GPAT4: variants seen among roughly 807,000 people sequenced by gnomAD.
GPAT4 encodes the protein 1-AGP acyltransferase 6.
A neutral mutation model predicts 58.0 loss-of-function variants in GPAT4; 17 were observed. The observed-to-expected ratio is 0.29, with a 90% confidence interval of 0.20 to 0.44. The LOEUF is 0.44. Ranked by LOEUF, GPAT4 falls within the 20% of genes least tolerant of loss-of-function variation. The probability of loss-of-function intolerance (pLI) is 1.00; values close to 1 mark genes in which losing one functional copy is unlikely to be tolerated. For missense variants in GPAT4, 377 were observed against 574.5 expected (o/e 0.66, Z 3.51); for synonymous variants, 204 against 210.1 (o/e 0.97, Z 0.25).
At chr8:41,616,822 T>A (rs1287694820) in intron 10 of GPAT4, among the ~76,000 whole-genome samples, 1 of 152,222 alleles carries the variant, frequency 6.6e-6, no homozygotes, top group Non-Finnish European at 1.5e-5. Flanking sequence ...GTCTACAGAT[T>A]ACTGGTTTTT....
At position 41,621,307 on chromosome 8, in the gene GPAT4, G is replaced by A. The variant is rs140864982; in HGVS notation, c.*306G>A. The A allele has an allele frequency of 6.3e-5, 22 of 350,710 alleles. No homozygotes were observed. The highest frequency in any genetic ancestry group is 2.5e-4 in the African/African-American group (12 of 48,264). 21.7% of individuals were successfully genotyped at this position (350,710 alleles called of 1,614,324 possible). A position where few individuals can be genotyped will look rare whatever the true frequency, so the allele number is the denominator to read the frequency against. On this transcript the variant is annotated 3_prime_UTR_variant, in exon 13 of 13. Coordinates refer to ENST00000396987, the MANE Select transcript of GPAT4 (RefSeq NM_178819.4). ...AACTCCCCACCTTTGCACGCTGTGC[G>A]GGCTGAGTGGTTGGGGAGATGTGGC... is the stretch of plus-strand genomic sequence containing the variant.
At chr8:41,592,435 G>T (rs530270597) in intron 1 of GPAT4, among the ~76,000 whole-genome samples, 1 of 152,316 alleles carries the variant, frequency 6.6e-6, no homozygotes, top group East Asian at 1.9e-4. Context: ...CAACTAAGTT[G>T]TCCTACGGGG....
Position 41,614,377 on chromosome 8 carries a change from C to A in GPAT4, c.912-9C>A, listed in dbSNP as rs1261031004. ...GTCTGACCCTTTATTTTATTTTCTT[C>A]TTTGAAAGACTGACTGAACATGTGC... On this transcript the variant is annotated splice_polypyrimidine_tract_variant and intron_variant, in intron 8 of 12. Transcript: ENST00000396987. The A allele has an allele frequency of 3.1e-6, 5 of 1,612,648 alleles. No homozygotes were observed. The highest frequency in any genetic ancestry group is 4.2e-6 in the Non-Finnish European group (5 of 1,179,374).
intron 2 of GPAT4, among the ~76,000 whole-genome samples, chr8:41,605,433 A>G (rs569676046): frequency 6.6e-6 from 1 of 152,372 alleles, no homozygotes; most frequent in Admixed American, 6.5e-5. Flanking sequence ...GTGAAAAGGT[A>G]ATATTGTTTA....
chr8:41,606,262 C>A (rs1477286209), intron 2 of GPAT4, among the ~76,000 whole-genome samples: 2 of 152,168 alleles, frequency 1.3e-5, no homozygotes, highest in African/African-American at 4.8e-5. Flanking sequence ...TAGGGGCAGT[C>A]ATGTGGGACT....
intron 2 of GPAT4, among the ~76,000 whole-genome samples, chr8:41,602,280 G>A (rs151326112): frequency 2.0e-5 from 3 of 152,226 alleles, no homozygotes; most frequent in East Asian, 1.9e-4. Flanking sequence ...ATTTAGAAGC[G>A]GTAATGGAAG....
intron 1 of GPAT4, among the ~76,000 whole-genome samples, chr8:41,585,105 C>A (rs1466564857): frequency 5.3e-5 from 8 of 152,188 alleles, no homozygotes; most frequent in Non-Finnish European, 1.5e-5. Flanking sequence ...GCTTCCTATT[C>A]AAGCAAATTT....
At chr8:41,582,694 T>TGTGTGG (rs892299561) in intron 1 of GPAT4, among the ~76,000 whole-genome samples, 1,728 of 145,058 alleles carry the variant, frequency 0.012, 36 homozygotes, top group African/African-American at 0.038. Flanking sequence ...TGTGTGTGTG[T>TGTGTGG]GGGTGTATCT....
At chr8:41,608,043 G>A (rs773495765) in intron 2 of GPAT4, among the ~76,000 whole-genome samples, 9 of 152,186 alleles carry the variant, frequency 5.9e-5, no homozygotes, top group African/African-American at 1.2e-4. Context: ...TTAAAGGAAA[G>A]CTCGTCTGTG....
At chr8:41,610,685 A>G in intron 4 of GPAT4, 51 bp from the exon 5 acceptor site, 5 of 1,596,008 alleles carry the variant, frequency 3.1e-6, no homozygotes, top group African/African-American at 1.3e-5. Flanking sequence ...TCAGTTCTGT[A>G]CTTGGTAGAA....
intron 2 of GPAT4, among the ~76,000 whole-genome samples, chr8:41,608,904 G>A (rs1018357109): frequency 6.6e-6 from 1 of 151,874 alleles, no homozygotes; most frequent in Non-Finnish European, 1.5e-5. Context: ...GTTAAGTTGT[G>A]GGATTCTCCC....
chr8:41,604,710 G>A (rs571506546), intron 2 of GPAT4, among the ~76,000 whole-genome samples: 1 of 152,356 alleles, frequency 6.6e-6, no homozygotes, highest in South Asian at 2.1e-4. Flanking sequence ...GATGTGATCT[G>A]TGTTAAACTC....
In GPAT4 at chr8:41,620,963, A is replaced by G; in HGVS notation, c.1333A>G (p.Met445Val). 1 of 1,551,598 alleles carries G rather than the reference A, an allele frequency of 6.4e-7. No homozygotes were observed. Among genetic ancestry groups the G allele is most frequent in the South Asian group, 1.2e-5 (1 of 84,044 alleles). ...KEEQQKLYSK[M>V]IVGNHKDRSR... Reference sequence around the variant, plus strand: ...GGAGCAGCAGAAGCTGTACAGCAAGATGATCGTGGGGAACCACAAGGACAG... The same window carrying G: ...GGAGCAGCAGAAGCTGTACAGCAAGGTGATCGTGGGGAACCACAAGGACAG... Residue 445 changes from methionine to valine, a missense_variant, in exon 13 of 13, where the codon ATG becomes GTG. Physicochemically the swap from Met to Val is conservative, Grantham distance 21 (BLOSUM62 1). Transcript: ENST00000396987.
chr8:41,610,357 C>T, intron 4 of GPAT4: 1 of 1,221,248 alleles, frequency 8.2e-7, no homozygotes, highest in Non-Finnish European at 1.0e-6. Flanking sequence ...GATGCTAATA[C>T]CTTCAAGCTC....
chr8:41,619,961 T>G (rs1318521026), intron 12 of GPAT4, among the ~76,000 whole-genome samples: 3 of 152,212 alleles, frequency 2.0e-5, no homozygotes, highest in Admixed American at 2.0e-4. Flanking sequence ...TGTTCCCATT[T>G]TGCAGATGAG....
chr8:41,612,403 T>TG, intron 7 of GPAT4, 130 bp downstream of exon 7: 1 of 869,580 alleles, frequency 1.1e-6, no homozygotes, highest in South Asian at 1.7e-5. Context: ...ACTGTCACTG[T>TG]GGGGGCTCTG....
At position 41,621,045 on chromosome 8, in the gene GPAT4, G is replaced by T; in HGVS notation, c.*44G>T. ...GGGGCCACCGTGCGGGGTGCCAACGGGCTCAGAGCTGGAGTTGCCGCCGCC... is the reference window on the plus strand; with the variant it reads ...GGGGCCACCGTGCGGGGTGCCAACGTGCTCAGAGCTGGAGTTGCCGCCGCC... On this transcript the variant is annotated 3_prime_UTR_variant, in exon 13 of 13. Coordinates refer to ENST00000396987, the MANE Select transcript of GPAT4 (RefSeq NM_178819.4). 6.5e-7 allele frequency: 1 copy of T among 1,549,300 alleles called. No individual in the cohort carries two copies. Among genetic ancestry groups the T allele is most frequent in the Non-Finnish European group, 8.7e-7 (1 of 1,146,592 alleles).
At chr8:41,586,651 T>C (rs959086245) in intron 1 of GPAT4, among the ~76,000 whole-genome samples, 15 of 152,146 alleles carry the variant, frequency 9.9e-5, no homozygotes, top group African/African-American at 3.6e-4. Context: ...CTGAGTGCTC[T>C]CCAGTACTGA....
intron 10 of GPAT4, among the ~76,000 whole-genome samples, chr8:41,617,955 C>T (rs1803642710): frequency 6.6e-6 from 1 of 152,224 alleles, no homozygotes; most frequent in Admixed American, 6.5e-5. Flanking sequence ...CCTGCCCCTC[C>T]AGCTACTTGT....
Sources: gnomAD v4.1 joint callset for allele counts (sites outside exome capture counted in the v4.1 genomes callset) on GRCh38, gnomAD v4.1.1 for gene constraint, MANE v1.5 for transcripts, NCBI Gene and HGNC (gene_info 2026-07-23, HGNC 2026-07-21) for gene names.